The following POLR1C variants were observed in gnomAD, a reference collection of about 807,000 sequenced individuals.
POLR1C encodes the protein RNA polymerase I and III subunit C, also known as DNA-directed RNA polymerases I and III subunit RPAC1.
POLR1C carries 42 observed loss-of-function variants against 38.3 expected under a neutral mutation model. The ratio of observed to expected loss-of-function variants is 1.10; its 90% CI spans 0.86 to 1.42. The LOEUF is 1.42. Among genes scored for constraint, POLR1C ranks in the 40% most tolerant of loss-of-function variants. The pLI is 0.00. For missense variants in POLR1C, 507 were observed against 450.5 expected (o/e 1.13, Z -1.14); for synonymous variants, 163 against 163.9 (o/e 0.99, Z 0.04).
chr6:43,538,737 C>A (rs1230989990), intron 9 of POLR1C: 1 of 510,982 alleles, frequency 2.0e-6, no homozygotes, highest in South Asian at 3.6e-5. Flanking sequence ...AATAAATAAG[C>A]CTCATAAAAT....
downstream of POLR1C, chr6:43,531,354 A>T: frequency 1.2e-6 from 1 of 844,622 alleles, no homozygotes; most frequent in Non-Finnish European, 1.9e-6. Context: ...CACTAGAATG[A>T]TAAGTTTCCT....
chr6:43,523,439 A>C (rs144037878), downstream of POLR1C: 1 of 338,732 alleles, frequency 3.0e-6, no homozygotes, highest in Non-Finnish European at 5.8e-6. Flanking sequence ...GAGTGGTCCA[A>C]GAGAAACTCT....
chr6:43,534,866 T>C (rs1435748979), intron 9 of POLR1C, among the ~76,000 whole-genome samples: 1 of 151,878 alleles, frequency 6.6e-6, no homozygotes, highest in African/African-American at 2.4e-5. Flanking sequence ...GGTGTGGTGG[T>C]GCATGCGTGT....
rs563836917 is a variant in POLR1C at position 43,539,303 on chromosome 6, C to T, written c.*4+9944C>T. The stretch of plus-strand genomic sequence containing the variant: ...CTTAACACCCAGACCGACGTGGCCA[C>T]TGTAGTCCCCGATAGCAACAAACGC... On this transcript the variant is annotated intron_variant, in intron 9 of 10. Transcript: ENST00000607635. 27 of 1,554,934 alleles carry T rather than the reference C, an allele frequency of 1.7e-5. No homozygotes were observed. The South Asian group carries it at 2.6e-4, about 15-fold the overall frequency.
intron 3 of POLR1C, 61 bp from the exon 4 acceptor site, chr6:43,519,645 C>G: frequency 1.9e-6 from 3 of 1,612,326 alleles, no homozygotes; most frequent in Non-Finnish European, 2.5e-6. Context: ...GTTGGGGTTA[C>G]GGGGATAGGT....
downstream of POLR1C, chr6:43,523,859 A>G: frequency 6.2e-7 from 1 of 1,613,952 alleles, no homozygotes; most frequent in Non-Finnish European, 8.5e-7. Flanking sequence ...GGATGCCCAA[A>G]AGCTTGATTC....
At chr6:43,536,346 C>G (rs112201187) in intron 9 of POLR1C, among the ~76,000 whole-genome samples, 1 of 151,524 alleles carries the variant, frequency 6.6e-6, no homozygotes, top group Non-Finnish European at 1.5e-5. Context: ...ACCCAGGAGG[C>G]GGAAATTGCA....
At position 43,562,309 on chromosome 6, in the gene POLR1C, C is replaced by T. The variant is rs749824485; in HGVS notation, c.*958C>T. ...ACCTGACAGAGCCTCTTCAGAAAGA[C>T]GTAGTGTTTTTCTACCAAACCTCCT... On this transcript the variant is annotated 3_prime_UTR_variant, in exon 11 of 11. Transcript: ENST00000607635. 27 of 1,609,636 alleles carry T rather than the reference C, an allele frequency of 1.7e-5. 1 individual carries two copies. Among genetic ancestry groups the T allele is most frequent in the Admixed American group, 3.4e-5 (2 of 59,428 alleles).
intron 10 of POLR1C, chr6:43,559,019 G>A (rs184282320): frequency 1.5e-4 from 24 of 155,370 alleles, no homozygotes; most frequent in East Asian, 1.3e-3. Context: ...CAGTGTGGCC[G>A]GGTGCGGTGG....
downstream of POLR1C, chr6:43,525,062 C>T: frequency 6.4e-7 from 1 of 1,573,436 alleles, no homozygotes; most frequent in Non-Finnish European, 8.6e-7. Context: ...TCTGCATGAC[C>T]CAAACCTTCC....
In POLR1C at chr6:43,528,610, T is replaced by G. The variant is rs536662934; in HGVS notation, c.923-639T>G. Among the ~76,000 whole-genome samples the G allele has an allele frequency of 4.6e-5, 7 of 152,284 alleles. No homozygotes were observed. The South Asian group carries it at 1.4e-3, about 32-fold the overall frequency. On this transcript the variant is annotated intron_variant, in intron 8 of 8. Coordinates refer to the POLR1C transcript ENST00000304004. ...AGTTAACAGGAGGTTAGGAGCAGAA[T>G]CTGCAACTGAAGCTGTCTTGTGGCA...
At chr6:43,533,369 G>C (rs1338495897), downstream of POLR1C, 1 of 152,750 alleles carries the variant, frequency 6.5e-6, no homozygotes, top group Non-Finnish European at 1.5e-5. Context: ...AATTGAAGAA[G>C]GGGTTAACGG....
In POLR1C at chr6:43,551,635, C is replaced by CT. The variant is rs1285227476; in HGVS notation, c.*48+625dup. Among the ~76,000 whole-genome samples, 4 of 152,310 alleles carry CT rather than the reference C, an allele frequency of 2.6e-5. No individual in the cohort carries two copies. The East Asian group carries it at 7.7e-4, about 29-fold the overall frequency. On this transcript the variant is annotated intron_variant, in intron 10 of 10. Transcript: ENST00000607635. ...AAACTCTTGAGCTCAAGGGATCCTCCTGCCTTAGCCTCCTGAGTAGCTAGG... is the reference window on the plus strand; with the variant it reads ...AAACTCTTGAGCTCAAGGGATCCTCCTTGCCTTAGCCTCCTGAGTAGCTAGG...
At chr6:43,523,669 A>T (rs772989897), downstream of POLR1C, 11 of 875,098 alleles carry the variant, frequency 1.3e-5, no homozygotes, top group Admixed American at 5.1e-5. Flanking sequence ...TTTAAGCCCT[A>T]ACTCCCTTTC....
At chr6:43,523,785 G>T (rs776411274), downstream of POLR1C, 2 of 1,608,688 alleles carry the variant, frequency 1.2e-6, no homozygotes, top group Admixed American at 3.3e-5. Context: ...TGAGGTGGCA[G>T]TGCAAGAAGG....
chr6:43,560,503 A>G (rs1762362900), intron 10 of POLR1C, among the ~76,000 whole-genome samples: 1 of 152,194 alleles, frequency 6.6e-6, no homozygotes, highest in South Asian at 2.1e-4. Flanking sequence ...CAAGGAAATT[A>G]CCTGGAATGT....
In POLR1C at chr6:43,520,322, C is replaced by G. The variant is rs149840242; in HGVS notation, c.550C>G (p.Leu184Val). ...TWIPLGNQAD[L>V]FPEGTIRPVH... is the part of the protein sequence containing the mutation. ...GATCCCCCTGGGGAACCAGGCTGAT[C>G]TCTTTCCAGAGGGCACTATCCGACC... Residue 184 changes from leucine to valine, a missense_variant, in exon 6 of 9, where the codon CTC becomes GTC. Leu to Val is a conservative substitution (Grantham distance 32, BLOSUM62 1). Coordinates refer to ENST00000642195, the MANE Select transcript of POLR1C (RefSeq NM_203290.4). 1.2e-4 allele frequency: 191 copies of G among 1,613,350 alleles called. No individual in the cohort carries two copies. In the African/African-American group the frequency reaches 2.3e-3, roughly 20 times the overall value.
At chr6:43,522,673 A>AAAC (rs1185809083), downstream of POLR1C, 1 of 481,912 alleles carries the variant, frequency 2.1e-6, no homozygotes, top group Admixed American at 2.1e-5. Flanking sequence ...CACCAGCTAA[A>AAAC]AACTGTAGCT....
At chr6:43,523,423 G>C, downstream of POLR1C, 1 of 319,928 alleles carries the variant, frequency 3.1e-6, no homozygotes, top group Non-Finnish European at 6.1e-6. Context: ...GGCTCAGTGG[G>C]AGTTGGAGTG....
Sources: gnomAD v4.1 joint callset for allele counts (sites outside exome capture counted in the v4.1 genomes callset) on GRCh38, gnomAD v4.1.1 for gene constraint, MANE v1.5 for transcripts, NCBI Gene and HGNC (gene_info 2026-07-23, HGNC 2026-07-21) for gene names.